Variants in SPMIP2 observed in about 807,000 individuals in gnomAD.
SPMIP2 encodes protein SPMIP2.
At chr4:158,978,695 C>T in the SPMIP2 span, among the ~76,000 whole-genome samples, 152,299 of 152,330 alleles carry the variant, frequency 1, 76,134 homozygotes, top group Middle Eastern at 1. Flanking sequence ...TTTTTTGATC[C>T]TTGTTGGTTT....
At chr4:158,970,921 T>C in the SPMIP2 span, among the ~76,000 whole-genome samples, 1 of 152,146 alleles carries the variant, frequency 6.6e-6, no homozygotes, top group Non-Finnish European at 1.5e-5. Flanking sequence ...CACTGTGTGA[T>C]TGGTTCACTG....
chr4:159,007,167 G>T, the SPMIP2 span: 1 of 941,388 alleles, frequency 1.1e-6, no homozygotes, highest in Admixed American at 1.8e-5. Flanking sequence ...CCTGTAAACA[G>T]GTGGAGATCT....
the SPMIP2 span, among the ~76,000 whole-genome samples, chr4:158,899,683 G>A: frequency 1.3e-5 from 2 of 152,144 alleles, no homozygotes; most frequent in Non-Finnish European, 2.9e-5. Context: ...ATTTCTGTGG[G>A]ATCAGTGGTG....
chr4:159,015,751 A>G, the SPMIP2 span, among the ~76,000 whole-genome samples: 3 of 152,234 alleles, frequency 2.0e-5, no homozygotes, highest in African/African-American at 7.2e-5. Flanking sequence ...TATATATTCA[A>G]ATGCTGACAA....
chr4:158,948,469 CAAG>C, the SPMIP2 span, among the ~76,000 whole-genome samples: 1 of 152,046 alleles, frequency 6.6e-6, no homozygotes, highest in Non-Finnish European at 1.5e-5. Flanking sequence ...AGCATTGTGT[CAAG>C]AAGTGTGATA....
the SPMIP2 span, among the ~76,000 whole-genome samples, chr4:158,999,196 C>A: frequency 5.7e-3 from 788 of 139,238 alleles, 3 homozygotes; most frequent in Non-Finnish European, 7.5e-3. Context: ...AAAAAAAAAC[C>A]CAAAAAAACC....
the SPMIP2 span, among the ~76,000 whole-genome samples, chr4:158,927,401 G>C: frequency 6.6e-6 from 1 of 152,170 alleles, no homozygotes; most frequent in Non-Finnish European, 1.5e-5. Flanking sequence ...ACGTATACTT[G>C]AATTATGTTT....
the SPMIP2 span, among the ~76,000 whole-genome samples, chr4:158,954,982 C>T: frequency 4.1e-3 from 626 of 152,134 alleles, 5 homozygotes; most frequent in African/African-American, 0.013. Flanking sequence ...ATTAGAAATA[C>T]TGTAGGTATA....
At chr4:159,041,787 C>T in the SPMIP2 span, among the ~76,000 whole-genome samples, 1,395 of 152,342 alleles carry the variant, frequency 9.2e-3, 24 homozygotes, top group African/African-American at 0.032. Context: ...TAATTGGACA[C>T]TTACTATGTG....
At chr4:158,907,958 T>C in the SPMIP2 span, 1 of 152,206 alleles carries the variant, frequency 6.6e-6, no homozygotes, top group East Asian at 1.9e-4. Flanking sequence ...ACCAATGTCA[T>C]TGTGTGGGAA....
the SPMIP2 span, among the ~76,000 whole-genome samples, chr4:158,957,513 A>G: frequency 6.6e-6 from 1 of 152,088 alleles, no homozygotes; most frequent in Non-Finnish European, 1.5e-5. Flanking sequence ...TGCAACCTCC[A>G]TCTCCTGGGT....
chr4:159,016,098 A>G, the SPMIP2 span, among the ~76,000 whole-genome samples: 2 of 152,246 alleles, frequency 1.3e-5, no homozygotes, highest in Non-Finnish European at 2.9e-5. Context: ...TTTAAAAGTT[A>G]GAATTCGTAA....
chr4:159,066,745 A>G, the SPMIP2 span, among the ~76,000 whole-genome samples: 4 of 151,946 alleles, frequency 2.6e-5, no homozygotes, highest in African/African-American at 4.8e-5. Context: ...TTGTAACCTT[A>G]TATCTGCTCT....
the SPMIP2 span, among the ~76,000 whole-genome samples, chr4:158,945,707 T>C: frequency 6.6e-6 from 1 of 152,266 alleles, no homozygotes; most frequent in African/African-American, 2.4e-5. Context: ...ATGACACCAA[T>C]GAGAAGCTAT....
chr4:158,997,453 C>T, the SPMIP2 span, among the ~76,000 whole-genome samples: 1 of 152,122 alleles, frequency 6.6e-6, no homozygotes, highest in Non-Finnish European at 1.5e-5. Flanking sequence ...TGGTCTCAAA[C>T]TCCTGACCTC....
chr4:159,050,557 C>A, the SPMIP2 span, among the ~76,000 whole-genome samples: 1 of 152,060 alleles, frequency 6.6e-6, no homozygotes, highest in East Asian at 1.9e-4. Flanking sequence ...AATCCCAGCA[C>A]TTTATGAGGC....
the SPMIP2 span, among the ~76,000 whole-genome samples, chr4:158,968,677 C>T: frequency 3.3e-5 from 5 of 152,220 alleles, no homozygotes; most frequent in African/African-American, 4.8e-5. Flanking sequence ...GTTGATACCT[C>T]AGTTTCCTCA....
chr4:158,993,593 A>G, the SPMIP2 span, among the ~76,000 whole-genome samples: 1 of 152,134 alleles, frequency 6.6e-6, no homozygotes, highest in Non-Finnish European at 1.5e-5. Flanking sequence ...TTCAACACGT[A>G]CTTATGAACA....
chr4:159,059,399 C>T, the SPMIP2 span, among the ~76,000 whole-genome samples: 1 of 152,164 alleles, frequency 6.6e-6, no homozygotes, highest in Non-Finnish European at 1.5e-5. Context: ...TTTTTTGAGA[C>T]AGTCTCACTC....
Sources: gnomAD v4.1 joint callset for allele counts (sites outside exome capture counted in the v4.1 genomes callset) on GRCh38, gnomAD v4.1.1 for gene constraint, MANE v1.5 for transcripts, NCBI Gene and HGNC (gene_info 2026-07-23, HGNC 2026-07-21) for gene names.